The following LYSET variants were observed in gnomAD, a reference collection of about 807,000 sequenced individuals.
LYSET encodes lysosomal enzyme trafficking factor, also known as GNPTAB cleavage and activity factor.
chr14:93,186,155 C>T, the LYSET span: 22 of 1,172,120 alleles, frequency 1.9e-5, no homozygotes, highest in East Asian at 5.0e-4. Context: ...AGGCGCGAGC[C>T]ACCGCGCCCG....
the LYSET span, among the ~76,000 whole-genome samples, chr14:93,187,462 GAC>G: frequency 6.6e-6 from 1 of 151,628 alleles, no homozygotes; most frequent in Non-Finnish European, 1.5e-5. Flanking sequence ...CATGACTTGT[GAC>G]ACAGTCTCAG....
At chr14:93,186,436 C>T in the LYSET span, 3 of 1,614,238 alleles carry the variant, frequency 1.9e-6, no homozygotes, top group East Asian at 2.2e-5. Flanking sequence ...GAAGGAACCA[C>T]ATGGACACAC....
At chr14:93,185,107 CAA>C in the LYSET span, 1 of 150,180 alleles carries the variant, frequency 6.7e-6, no homozygotes, top group Non-Finnish European at 1.5e-5. Flanking sequence ...CGCGGCGCTG[CAA>C]GGCGGCGAGG....
At chr14:93,186,165 G>A in the LYSET span, 16 of 1,302,994 alleles carry the variant, frequency 1.2e-5, no homozygotes, top group East Asian at 7.6e-5. Flanking sequence ...CACCGCGCCC[G>A]GCCTAGAATT....
chr14:93,186,470 C>A, the LYSET span: 1 of 1,614,218 alleles, frequency 6.2e-7, no homozygotes, highest in South Asian at 1.1e-5. Context: ...AATTACTCTC[C>A]TTGCCTTTTT....
chr14:93,187,616 TTTA>T, the LYSET span, among the ~76,000 whole-genome samples: 737 of 152,246 alleles, frequency 4.8e-3, 2 homozygotes, highest in Non-Finnish European at 8.4e-3. Flanking sequence ...TAGCAGGTTA[TTTA>T]TTATTTATTT....
At chr14:93,185,922 G>A in the LYSET span, among the ~76,000 whole-genome samples, 3 of 149,418 alleles carry the variant, frequency 2.0e-5, no homozygotes, top group African/African-American at 7.5e-5. Context: ...AGGCTGGAGT[G>A]CAGTGGCGTG....
the LYSET span, chr14:93,185,291 C>A: frequency 1.0e-6 from 1 of 1,001,014 alleles, no homozygotes; most frequent in South Asian, 1.5e-5. Flanking sequence ...CGCGCGTGAC[C>A]CGCCGCAGTC....
chr14:93,186,531 C>G, the LYSET span: 1 of 1,614,204 alleles, frequency 6.2e-7, no homozygotes, highest in Non-Finnish European at 8.5e-7. Context: ...GTTTTTGTTC[C>G]TATACTCTTG....
At chr14:93,185,235 T>C in the LYSET span, 1 of 431,144 alleles carries the variant, frequency 2.3e-6, no homozygotes, top group East Asian at 3.9e-5. Context: ...CCCTGCCGGG[T>C]CAGGTTCTCA....
At chr14:93,187,006 GA>G in the LYSET span, 9 of 249,304 alleles carry the variant, frequency 3.6e-5, no homozygotes, top group South Asian at 1.6e-4. Flanking sequence ...TTCCTTTGGG[GA>G]AAAAAATGAA....
chr14:93,187,296 TC>T, the LYSET span, among the ~76,000 whole-genome samples: 1 of 152,200 alleles, frequency 6.6e-6, no homozygotes, highest in Admixed American at 6.5e-5. Flanking sequence ...TTTATATTTT[TC>T]TTTTTTGTGG....
chr14:93,186,072 T>C, the LYSET span, among the ~76,000 whole-genome samples: 1 of 152,014 alleles, frequency 6.6e-6, no homozygotes, highest in African/African-American at 2.4e-5. Flanking sequence ...GATTTCACCA[T>C]GTTAGCCAGG....
chr14:93,185,425 A>T, the LYSET span: 1 of 1,613,348 alleles, frequency 6.2e-7, no homozygotes, highest in East Asian at 2.2e-5. Context: ...CCACCCGATT[A>T]TTCAGAGCTG....
chr14:93,186,519 A>T, the LYSET span: 1 of 1,614,196 alleles, frequency 6.2e-7, no homozygotes, highest in East Asian at 2.2e-5. Context: ...TTACTTACAG[A>T]TGTTTTTGTT....
chr14:93,186,219 C>A, the LYSET span: 1 of 1,545,524 alleles, frequency 6.5e-7, no homozygotes, highest in Non-Finnish European at 8.8e-7. Context: ...GCCGTGACAG[C>A]ATTACTAGAC....
At chr14:93,186,320 G>T in the LYSET span, 5 of 1,614,160 alleles carry the variant, frequency 3.1e-6, no homozygotes, top group Admixed American at 1.7e-5. Context: ...GAGTGGGATT[G>T]TATCTGTTAG....
chr14:93,185,745 G>T, the LYSET span, among the ~76,000 whole-genome samples: 5 of 151,764 alleles, frequency 3.3e-5, no homozygotes, highest in Admixed American at 6.6e-5. Flanking sequence ...TTGTTTTTTT[G>T]TGTGTGTTGT....
chr14:93,187,303 TG>T, the LYSET span, among the ~76,000 whole-genome samples: 1 of 152,162 alleles, frequency 6.6e-6, no homozygotes, highest in Admixed American at 6.5e-5. Context: ...TTTTCTTTTT[TG>T]TGGAGAATGG....
Sources: allele counts gnomAD v4.1 joint callset (sites outside exome capture counted in the v4.1 genomes callset), GRCh38; gene constraint gnomAD v4.1.1; transcripts MANE v1.5; gene names NCBI Gene and HGNC (gene_info 2026-07-23, HGNC 2026-07-21).